Variants in CILP2 observed in about 807,000 individuals in gnomAD.
The protein encoded by CILP2 is CILP-2.
In CILP2, 38 loss-of-function variants were observed where a neutral mutation model predicts 45.6. The ratio of observed to expected loss-of-function variants is 0.83; its 90% confidence interval spans 0.64 to 1.09. The LOEUF is 1.09. CILP2 is among the 50% of genes least tolerant of loss of function. The pLI, the probability that CILP2 is intolerant of heterozygous loss-of-function variation, is 0.00. For synonymous variants in CILP2, 780 were observed against 723.5 expected, an observed-to-expected ratio of 1.08 and a Z score of -1.25; for missense variants, 1,735 against 1,662.2, an observed-to-expected ratio of 1.04 and a Z score of -0.76.
In CILP2 at chr19:19,543,927, C is replaced by T. The variant is rs1015028649; in HGVS notation, c.1382C>T (p.Ala461Val). Residue 461 changes from alanine (A) to valine (V), a missense_variant, in exon 8 of 8, where the codon GCA (alanine) becomes GTA (valine). Transcript: ENST00000291495. ...PGYVLPVKVV[A>V]ECGCQKCLPP... Reference sequence around the variant, plus strand: ...TACGTCCTCCCAGTGAAGGTGGTGGCAGAGTGTGGCTGCCAGAAGTGTCTG... The same window carrying T: ...TACGTCCTCCCAGTGAAGGTGGTGGTAGAGTGTGGCTGCCAGAAGTGTCTG... The T allele has an allele frequency of 1.9e-6, 3 of 1,613,452 alleles. No homozygotes were observed. In the Admixed American group the frequency reaches 5.0e-5, roughly 27 times the overall value.
Position 19,545,962 on chromosome 19 carries a change from A to G in CILP2, c.3417A>G (p.Ala1139=). 6.5e-7 allele frequency: 1 copy of G among 1,546,968 alleles called. No homozygotes were observed. ...IRREMSEAAQ[A]QARASGPLRT... ...GGGAGATGAGCGAGGCGGCGCAGGCACAGGCCCGGGCCTCAGGTCCCCTCC... is the reference window on the plus strand; with the variant it reads ...GGGAGATGAGCGAGGCGGCGCAGGCGCAGGCCCGGGCCTCAGGTCCCCTCC... Residue 1139 remains alanine, a synonymous_variant, in exon 8 of 8, where the codon GCA becomes GCG. Coordinates refer to ENST00000291495, the MANE Select transcript of CILP2 (RefSeq NM_153221.2).
chr19:19,544,364 G>A lies in CILP2; in HGVS notation c.1819G>A (p.Val607Met). 2 of 1,609,624 alleles carry A rather than the reference G, an allele frequency of 1.2e-6. No individual in the cohort carries two copies. The highest frequency in any genetic ancestry group is 8.5e-7 in the Non-Finnish European group (1 of 1,178,922). Residue 607 changes from valine to methionine, a missense_variant, in exon 8 of 8, where the codon GTG becomes ATG. By Grantham distance (21) the Val-to-Met change is conservative. Coordinates refer to ENST00000291495, the MANE Select transcript of CILP2 (RefSeq NM_153221.2). ...KPYSGPVEARVTFVDPRDLTS... is the reference protein window; with the variant it reads ...KPYSGPVEARMTFVDPRDLTS... ...CTACTCGGGGCCTGTGGAGGCCCGG[G>A]TGACGTTCGTGGACCCCCGAGACCT...
In CILP2 at chr19:19,546,307, G is replaced by A. The variant is rs895336605; in HGVS notation, c.*291G>A. On this transcript the variant is annotated 3_prime_UTR_variant, in exon 8 of 8. Coordinates refer to ENST00000291495, the MANE Select transcript of CILP2 (RefSeq NM_153221.2). ...GGGACCCGCTCCCAGCTCAGAAGCC[G>A]TCTCTGACTTCTCGTGCGTATTTTG... is the stretch of plus-strand genomic sequence containing the variant. 13 of 301,452 alleles carry A rather than the reference G, an allele frequency of 4.3e-5. No individual in the cohort carries two copies. Among genetic ancestry groups the A allele is most frequent in the Admixed American group, 1.9e-4 (4 of 21,114 alleles). The allele number at this position is 301,452 out of a possible 1,614,324, so 18.7% of individuals were successfully genotyped here.
In CILP2 at chr19:19,544,006, G is replaced by C; in HGVS notation, c.1461G>C (p.Pro487=). The C allele has an allele frequency of 6.2e-7, 1 of 1,613,602 alleles. No individual in the cohort carries two copies. The highest frequency in any genetic ancestry group is 2.2e-5 in the East Asian group (1 of 44,874). ...TTGTGGCTGCTGACTCCGGGGAGCC[G>C]CTACGCTTCGCCAGGATTCTGCTGG... ...GRVVAADSGE[P]LRFARILLGQ... is the part of the protein sequence containing the mutation. The change falls in exon 8 of 8, where the codon CCG becomes CCC. Residue 487 remains proline, a synonymous_variant. Transcript: ENST00000291495.
intron 1 of CILP2, 99 bp from the exon 2 acceptor site, chr19:19,539,580 A>AGGC (rs1555729752): frequency 1.8e-6 from 1 of 549,312 alleles, no homozygotes; most frequent in Middle Eastern, 4.4e-4. Flanking sequence ...AAAAAAAAAA[A>AGGC]GGGGGGGGAT....
rs776314456 is a variant in CILP2, at chr19:19,545,955, C to T, written c.3410C>T (p.Ala1137Val). Reference sequence around the variant, plus strand: ...ATCCGCAGGGAGATGAGCGAGGCGGCGCAGGCACAGGCCCGGGCCTCAGGT... The same window carrying T: ...ATCCGCAGGGAGATGAGCGAGGCGGTGCAGGCACAGGCCCGGGCCTCAGGT... The part of the protein sequence containing the change: ...GDIRREMSEA[A>V]QAQARASGPL... Residue 1137 changes from alanine to valine, a missense_variant, in exon 8 of 8, where the codon GCG (alanine) becomes GTG (valine). Transcript: ENST00000291495. The T allele has an allele frequency of 9.0e-6, 14 of 1,553,940 alleles. No individual in the cohort carries two copies. In the East Asian group the frequency reaches 1.6e-4, roughly 18 times the overall value.
rs771549031 is a variant in CILP2, at chr19:19,545,343, C to G, written c.2798C>G (p.Pro933Arg). The G allele has an allele frequency of 6.2e-7, 1 of 1,612,230 alleles. No individual in the cohort carries two copies. Among genetic ancestry groups the G allele is most frequent in the South Asian group, 1.1e-5 (1 of 90,928 alleles). The stretch of plus-strand genomic sequence containing the variant: ...GATCTCCTGGCCTGGTGGCCCAACC[C>G]GCAGGAGTTCCGGGCCTGCTTCCTC... ...TGDLLAWWPN[P>R]QEFRACFLKV... The change falls in exon 8 of 8, where the codon CCG (proline) becomes CGG (arginine). Residue 933 changes from proline (P) to arginine (R), a missense_variant. Coordinates refer to ENST00000291495, the MANE Select transcript of CILP2 (RefSeq NM_153221.2).
Position 19,541,095 on chromosome 19 carries a change from C to T in CILP2, c.441C>T (p.Ala147=), listed in dbSNP as rs1272339167. Residue 147 remains alanine (A), a synonymous_variant, in exon 4 of 8, where the codon GCC becomes GCT. Transcript: ENST00000291495. Reference sequence around the variant, plus strand: ...CTCCGTCCCTGCCTTCCGCAGAAGCCTCGTGGGGCGCGTGGGGCCCGTGGG... The same window carrying T: ...CTCCGTCCCTGCCTTCCGCAGAAGCTTCGTGGGGCGCGTGGGGCCCGTGGG... ...YHVRFRCPLE[A]SWGAWGPWGP... The T allele has an allele frequency of 7.9e-7, 1 of 1,263,760 alleles. No individual in the cohort carries two copies. 78.3% of individuals were successfully genotyped at this position (1,263,760 alleles called of 1,614,324 possible). A position where few individuals can be genotyped will look rare whatever the true frequency, so the allele number is the denominator to read the frequency against.
chr19:19,542,264 C>T, intron 4 of CILP2, 111 bp from the exon 5 acceptor site: 1 of 1,295,910 alleles, frequency 7.7e-7, no homozygotes, highest in Non-Finnish European at 1.0e-6. Flanking sequence ...TGAGAGGCAC[C>T]TTATGGGGGG....
Position 19,543,737 on chromosome 19 carries a change from G to T in CILP2, c.1192G>T (p.Glu398Ter). Residue 398 changes from glutamate to a stop codon, truncating the protein, a stop_gained, in exon 8 of 8, where the codon GAG becomes TAG. Coordinates refer to ENST00000291495, the MANE Select transcript of CILP2 (RefSeq NM_153221.2). LOFTEE classifies it low-confidence loss of function (END_TRUNC). ...RPREYLIKLPEDCGQPGSGPA... is the reference protein window; with the variant it reads ...RPREYLIKLP ...CCGAGAGTACCTGATCAAGCTCCCT[G>T]AGGACTGTGGTCAGCCAGGTAGTGG... is the stretch of plus-strand genomic sequence containing the variant. The T allele has an allele frequency of 1.2e-6, 2 of 1,612,992 alleles. No homozygotes were observed. The highest frequency in any genetic ancestry group is 1.7e-6 in the Non-Finnish European group (2 of 1,179,400).
At position 19,538,324 on chromosome 19, in the gene CILP2, C is replaced by A; in HGVS notation, c.-26C>A. 2 of 1,567,052 alleles carry A rather than the reference C, an allele frequency of 1.3e-6. No homozygotes were observed. The highest frequency in any genetic ancestry group is 2.3e-5 in the South Asian group (2 of 87,438). ...CCCGAGCACGCCGCGGAGCCCGGAC[C>A]CTCCCTCGGACGCTCTGCCCCGGCC... On this transcript the variant is annotated 5_prime_UTR_variant, in exon 1 of 8. Coordinates refer to ENST00000291495, the MANE Select transcript of CILP2 (RefSeq NM_153221.2).
At position 19,543,256 on chromosome 19, in the gene CILP2, A is replaced by G. The variant is rs369786318; in HGVS notation, c.986A>G (p.Asn329Ser). The G allele has an allele frequency of 3.1e-6, 5 of 1,612,888 alleles. No homozygotes were observed. Among genetic ancestry groups the G allele is most frequent in the Non-Finnish European group, 4.2e-6 (5 of 1,179,814 alleles). The change falls in exon 7 of 8, where the codon AAT (asparagine) becomes AGT (serine). Residue 329 changes from asparagine to serine, a missense_variant. Transcript: ENST00000291495. ...GCTCACCTGCCATCCAGGTTCCACA[A>G]TGGGACCCTGCTGGACAGGCGAGCT... is the stretch of plus-strand genomic sequence containing the variant. ...PMPKKYSWFH[N>S]GTLLDRRAHG...
rs753256231 is a variant in CILP2 at position 19,545,060 on chromosome 19, C to G, written c.2515C>G (p.Leu839Val). The G allele has an allele frequency of 2.5e-6, 4 of 1,609,220 alleles. No individual in the cohort carries two copies. The African/African-American group carries it at 5.3e-5, about 21-fold the overall frequency. The change falls in exon 8 of 8, where the codon CTG becomes GTG. Residue 839 changes from leucine (L) to valine (V), a missense_variant. Physicochemically the swap from Leu to Val is conservative, Grantham distance 32 (BLOSUM62 1). Coordinates refer to ENST00000291495, the MANE Select transcript of CILP2 (RefSeq NM_153221.2). ...CACCGTGGGCGTCACCCAGCCCTAC[C>G]TGGACAGGCTGGGGTACCGTCGGAC... ...PATVGVTQPY[L>V]DRLGYRRTDH...
rs768869378 is a variant in CILP2, at chr19:19,541,121, G to A, written c.467G>A (p.Gly156Asp). 4 of 1,261,282 alleles carry A rather than the reference G, an allele frequency of 3.2e-6. No homozygotes were observed. The East Asian group carries it at 9.0e-5, about 29-fold the overall frequency. The allele number at this position is 1,261,282 out of a possible 1,614,324, so 78.1% of individuals were successfully genotyped here. The change falls in exon 4 of 8, where the codon GGT becomes GAT. Residue 156 changes from glycine (G) to aspartate (D), a missense_variant. Transcript: ENST00000291495. ...EASWGAWGPW[G>D]PCSGSCGPGR... ...TCGTGGGGCGCGTGGGGCCCGTGGG[G>A]TCCCTGCTCGGGGAGCTGTGGGCCA...
In CILP2 at chr19:19,540,287, T is replaced by G; in HGVS notation, c.247T>G (p.Tyr83Asp). The G allele has an allele frequency of 1.3e-6, 2 of 1,597,632 alleles. No homozygotes were observed. Among genetic ancestry groups the G allele is most frequent in the Non-Finnish European group, 1.7e-6 (2 of 1,175,448 alleles). Residue 83 changes from tyrosine (Y) to aspartate (D), a missense_variant, in exon 3 of 8, where the codon TAC (tyrosine) becomes GAC (aspartate). Coordinates refer to ENST00000291495, the MANE Select transcript of CILP2 (RefSeq NM_153221.2). ...DFESLAAIRF[Y>D]YGPARVCPRP... is the part of the protein sequence containing the mutation. ...CGAGAGCCTGGCTGCCATCCGCTTC[T>G]ACTACGGGCCAGCGCGCGTGTGCCC...
At position 19,546,033 on chromosome 19, in the gene CILP2, G is replaced by A. The variant is rs769203075; in HGVS notation, c.*17G>A. On this transcript the variant is annotated 3_prime_UTR_variant, in exon 8 of 8. Coordinates refer to ENST00000291495, the MANE Select transcript of CILP2 (RefSeq NM_153221.2). ...CGGCAGTGACCTGGGCAGGGGCCTC[G>A]CTTTCCCACCTCCCTCCAGACTCCT... is the stretch of plus-strand genomic sequence containing the variant. 5 of 1,437,812 alleles carry A rather than the reference G, an allele frequency of 3.5e-6. No individual in the cohort carries two copies. The highest frequency in any genetic ancestry group is 4.6e-6 in the Non-Finnish European group (5 of 1,098,446). 89.1% of individuals were successfully genotyped at this position (1,437,812 alleles called of 1,614,324 possible).
rs1333437789 is a variant in CILP2, at chr19:19,541,333, T to A, written c.592+87T>A. 4 of 1,144,012 alleles carry A rather than the reference T, an allele frequency of 3.5e-6. No homozygotes were observed. The East Asian group carries it at 9.5e-5, about 27-fold the overall frequency. The allele number at this position is 1,144,012 out of a possible 1,614,324, so 70.9% of individuals were successfully genotyped here. On this transcript the variant is annotated intron_variant, in intron 4 of 7. Transcript: ENST00000291495. Reference sequence around the variant, plus strand: ...GCTGAGCCTGGGAGAGAGGGTGGAGTTAGAGGCGGTGCCTGGATGTAGAGA... The same window carrying A: ...GCTGAGCCTGGGAGAGAGGGTGGAGATAGAGGCGGTGCCTGGATGTAGAGA...
chr19:19,539,202 G>A (rs1325126412), intron 1 of CILP2, among the ~76,000 whole-genome samples: 1 of 152,146 alleles, frequency 6.6e-6, no homozygotes, highest in African/African-American at 2.4e-5. Context: ...GGAGGAGAGT[G>A]TATGGCAGCC....
In CILP2 at chr19:19,545,858, C is replaced by T. The variant is rs768440855; in HGVS notation, c.3313C>T (p.Arg1105Trp). The T allele has an allele frequency of 1.9e-5, 30 of 1,585,434 alleles. No individual in the cohort carries two copies. The Admixed American group carries it at 4.3e-4, about 23-fold the overall frequency. ...CGGCACAGCCGTCACCTTCCAGTGC[C>T]GGGAGCCACCGGCCGGACGACCCAG... is the stretch of plus-strand genomic sequence containing the variant. The part of the protein sequence containing the change: ...DAGTAVTFQC[R>W]EPPAGRPSLF... Residue 1105 changes from arginine to tryptophan, a missense_variant, in exon 8 of 8, where the codon CGG (arginine) becomes TGG (tryptophan). By Grantham distance (101) the Arg-to-Trp change is moderately radical. Transcript: ENST00000291495.
Sources: allele counts gnomAD v4.1 joint callset (sites outside exome capture counted in the v4.1 genomes callset), GRCh38; gene constraint gnomAD v4.1.1; transcripts MANE v1.5; gene names NCBI Gene and HGNC (gene_info 2026-07-23, HGNC 2026-07-21).